The following RBFOX1 variants were observed in gnomAD, a reference collection of about 807,000 sequenced individuals.
The protein encoded by RBFOX1 is RNA binding protein fox-1 homolog 1.
In RBFOX1, 8 loss-of-function variants were observed where a neutral mutation model predicts 57.7. The ratio of observed to expected loss-of-function variants is 0.14; its 90% confidence interval spans 0.08 to 0.25. The LOEUF (loss-of-function observed/expected upper bound fraction) is 0.25, where lower values mean the gene tolerates loss of function less well. RBFOX1 is among the 10% of genes least tolerant of loss of function. The pLI is 1.00. For missense variants in RBFOX1, 611 were observed against 548.5 expected (o/e 1.11, Z -1.14); for synonymous variants, 326 against 222.4 (o/e 1.47, Z -4.15).
At chr16:6,625,104 G>A (rs2098284636) in intron 2 of RBFOX1, among the ~76,000 whole-genome samples, 2 of 131,872 alleles carry the variant, frequency 1.5e-5, no homozygotes. Context: ...GGCAAAAGTT[G>A]CAGTGAGTCA....
intron 2 of RBFOX1, among the ~76,000 whole-genome samples, chr16:6,377,378 C>T (rs1052229745): frequency 5.9e-5 from 9 of 152,138 alleles, no homozygotes; most frequent in South Asian, 2.1e-4. Context: ...TATAAAGACC[C>T]TATTTCCAAA....
At chr16:7,123,614 C>T (rs370814977) in intron 4 of RBFOX1, among the ~76,000 whole-genome samples, 4 of 152,096 alleles carry the variant, frequency 2.6e-5, no homozygotes, top group East Asian at 1.9e-4. Flanking sequence ...ATCCTCCTGC[C>T]TCAACTTCTC....
chr16:5,471,695 C>A (rs192125441), intron 2 of RBFOX1, among the ~76,000 whole-genome samples: 5 of 152,278 alleles, frequency 3.3e-5, no homozygotes, highest in African/African-American at 1.2e-4. Context: ...ACTCGTGGGA[C>A]CTCGGGAGTA....
intron 1 of RBFOX1, among the ~76,000 whole-genome samples, chr16:6,209,222 T>C (rs1279919738): frequency 2.0e-5 from 3 of 152,122 alleles, no homozygotes; most frequent in African/African-American, 7.2e-5. Flanking sequence ...TGTGAAGGCA[T>C]CTTCACAAAC....
At chr16:7,557,104 G>A (rs956781181) in intron 5 of RBFOX1, among the ~76,000 whole-genome samples, 3 of 152,086 alleles carry the variant, frequency 2.0e-5, no homozygotes, top group Non-Finnish European at 2.9e-5. Context: ...CACAGAGCGA[G>A]TATTATAAAC....
chr16:6,551,565 A>T (rs7200833), intron 2 of RBFOX1, among the ~76,000 whole-genome samples: 1,627 of 152,328 alleles, frequency 0.011, 37 homozygotes, highest in African/African-American at 0.037. Flanking sequence ...GATAATATTT[A>T]AAATGTAAAT....
intron 3 of RBFOX1, among the ~76,000 whole-genome samples, chr16:5,827,816 C>G (rs983948273): frequency 6.6e-6 from 1 of 152,068 alleles, no homozygotes. Context: ...CATTCATCCA[C>G]TCACCCATCC....
chr16:6,111,024 G>T (rs1410405768), intron 1 of RBFOX1, among the ~76,000 whole-genome samples: 1 of 152,176 alleles, frequency 6.6e-6, no homozygotes, highest in African/African-American at 2.4e-5. Flanking sequence ...GTGGAAGGAA[G>T]AGATTCTCAT....
intron 4 of RBFOX1, among the ~76,000 whole-genome samples, chr16:7,254,756 G>A (rs2094611277): frequency 1.3e-5 from 2 of 152,100 alleles, no homozygotes; most frequent in African/African-American, 2.4e-5. Flanking sequence ...TTACGTCTCT[G>A]AAGCATTATT....
intron 4 of RBFOX1, among the ~76,000 whole-genome samples, chr16:7,176,674 G>T (rs1331708082): frequency 6.6e-6 from 1 of 152,106 alleles, no homozygotes; most frequent in South Asian, 2.1e-4. Flanking sequence ...ACTGGAAAAG[G>T]TTTCCGATCC....
At chr16:6,970,011 G>A (rs550577852) in intron 3 of RBFOX1, among the ~76,000 whole-genome samples, 1 of 151,638 alleles carries the variant, frequency 6.6e-6, no homozygotes, top group South Asian at 2.1e-4. Context: ...AGCATAGCAA[G>A]ACCCCATTTA....
Position 7,713,091 on chromosome 16 carries a change from T to G in RBFOX1, c.*2346T>G, listed in dbSNP as rs117765464. ...CAGAGATGTAAACAAACATTTTGGA[T>G]TTTTTTTAAACAGTATTTATTTGGA... is the stretch of plus-strand genomic sequence containing the variant. On this transcript the variant is annotated 3_prime_UTR_variant, in exon 16 of 16. Coordinates refer to ENST00000550418, the MANE Select transcript of RBFOX1 (RefSeq NM_018723.4). 6.6e-6 allele frequency: 1 copy of G among 151,844 alleles called. No homozygotes were observed. Among genetic ancestry groups the G allele is most frequent in the Non-Finnish European group, 1.5e-5 (1 of 67,966 alleles). The allele number at this position is 151,844 out of a possible 1,614,324, so 9.4% of individuals were successfully genotyped here.
chr16:7,079,118 A>G (rs1002107394), intron 4 of RBFOX1, among the ~76,000 whole-genome samples: 4 of 151,982 alleles, frequency 2.6e-5, no homozygotes, highest in Admixed American at 6.6e-5. Flanking sequence ...ACCATTCTCA[A>G]TCAGCAGGAG....
intron 2 of RBFOX1, among the ~76,000 whole-genome samples, chr16:5,550,918 A>G (rs1442069662): frequency 1.3e-5 from 2 of 152,178 alleles, no homozygotes; most frequent in Non-Finnish European, 2.9e-5. Context: ...ATATCCACAT[A>G]CAGAGTCTTG....
intron 10 of RBFOX1, among the ~76,000 whole-genome samples, chr16:7,616,014 G>A (rs1217405677): frequency 1.3e-5 from 2 of 152,172 alleles, no homozygotes; most frequent in African/African-American, 4.8e-5. Flanking sequence ...AGACTTTCAT[G>A]TAAATGTTTC....
chr16:5,793,089 C>T (rs573824638), intron 3 of RBFOX1, among the ~76,000 whole-genome samples: 3 of 152,162 alleles, frequency 2.0e-5, no homozygotes, highest in African/African-American at 7.2e-5. Flanking sequence ...TTTTCCAGAC[C>T]TCAGGCTATG....
At chr16:6,023,896 T>C (rs912999137) in intron 1 of RBFOX1, among the ~76,000 whole-genome samples, 6 of 152,218 alleles carry the variant, frequency 3.9e-5, no homozygotes, top group Admixed American at 1.3e-4. Context: ...CAGGTATAAA[T>C]ATTAAAACTT....
chr16:6,493,413 A>G (rs1017884213), intron 2 of RBFOX1, among the ~76,000 whole-genome samples: 1 of 152,186 alleles, frequency 6.6e-6, no homozygotes, highest in Non-Finnish European at 1.5e-5. Flanking sequence ...CCGGTACTGC[A>G]AAATCATGAT....
chr16:6,548,618 G>GA (rs199759711), intron 2 of RBFOX1, among the ~76,000 whole-genome samples: 1,610 of 152,196 alleles, frequency 0.011, 22 homozygotes, highest in Non-Finnish European at 0.014. Flanking sequence ...TAAGCTGAAG[G>GA]AAAAAAGAAT....
Sources: gnomAD v4.1 joint callset for allele counts (sites outside exome capture counted in the v4.1 genomes callset) on GRCh38, gnomAD v4.1.1 for gene constraint, MANE v1.5 for transcripts, NCBI Gene and HGNC (gene_info 2026-07-23, HGNC 2026-07-21) for gene names.